CTNNA2: variants seen among roughly 807,000 people sequenced by gnomAD.
The protein encoded by CTNNA2 is catenin alpha 2.
In CTNNA2, 42 loss-of-function variants were observed where a neutral mutation model predicts 101.0. That is an observed-to-expected ratio of 0.42 (90% confidence interval 0.32 to 0.54). The LOEUF is 0.54. Ranked by LOEUF, CTNNA2 falls within the 20% of genes least tolerant of loss-of-function variation. The probability of loss-of-function intolerance (pLI) is 0.14; values close to 1 mark genes in which losing one functional copy is unlikely to be tolerated. For synonymous variants in CTNNA2, 450 were observed against 456.4 expected (o/e 0.99, Z 0.18); for missense variants, 871 against 1,223.1 (o/e 0.71, Z 4.29).
intron 12 of CTNNA2, among the ~76,000 whole-genome samples, chr2:80,558,645 T>C (rs572292148): frequency 6.6e-6 from 1 of 152,258 alleles, no homozygotes; most frequent in African/African-American, 2.4e-5. Context: ...TTAAACAATT[T>C]TAGAGCCATG....
At chr2:79,464,724 T>C (rs1392514853) in intron 4 of CTNNA2, among the ~76,000 whole-genome samples, 4 of 152,156 alleles carry the variant, frequency 2.6e-5, no homozygotes, top group African/African-American at 9.7e-5. Flanking sequence ...TTGCATTTCT[T>C]TGATGGCCAA....
intron 3 of CTNNA2, among the ~76,000 whole-genome samples, chr2:79,788,049 G>T (rs1674985902): frequency 6.6e-6 from 1 of 152,134 alleles, no homozygotes; most frequent in Non-Finnish European, 1.5e-5. Context: ...ACACTAGAGG[G>T]TATGTCCGAC....
chr2:80,338,302 C>CTTTTTT (rs551404160), intron 7 of CTNNA2, among the ~76,000 whole-genome samples: 4 of 134,218 alleles, frequency 3.0e-5, no homozygotes, highest in Non-Finnish European at 4.8e-5. Flanking sequence ...TTTTCTTTTT[C>CTTTTTT]TTTTTTTTTT....
At chr2:80,241,732 T>A (rs2149091975) in intron 7 of CTNNA2, among the ~76,000 whole-genome samples, 1 of 152,300 alleles carries the variant, frequency 6.6e-6, no homozygotes, top group East Asian at 1.9e-4. Context: ...TGAGATTATC[T>A]GATTATATGG....
At chr2:79,411,866 T>C (rs1231112924) in intron 4 of CTNNA2, among the ~76,000 whole-genome samples, 1 of 152,098 alleles carries the variant, frequency 6.6e-6, no homozygotes, top group Non-Finnish European at 1.5e-5. Context: ...GCTAACATCA[T>C]AATGACAGAA....
chr2:79,579,482 ACCCT>A (rs1676015536), intron 1 of CTNNA2, among the ~76,000 whole-genome samples: 1 of 151,552 alleles, frequency 6.6e-6, no homozygotes, highest in Non-Finnish European at 1.5e-5. Context: ...ATCTTTCCTC[ACCCT>A]CCCTTTGTCA....
rs1220016060 is a variant in CTNNA2 at position 79,727,564 on chromosome 2, TTTTTA to T, written c.103-16805_103-16801del. Among the ~76,000 whole-genome samples, 15 of 152,214 alleles carry T rather than the reference TTTTTA, an allele frequency of 9.9e-5. No homozygotes were observed. In the East Asian group the frequency reaches 1.5e-3, roughly 16 times the overall value. ...AGAGAACAGATTTCAGATATTTCTT[TTTTTA>T]TTTTATTTTATTTTATTATTATTAT... On this transcript the variant is annotated intron_variant, in intron 2 of 18. Coordinates refer to ENST00000402739, the MANE Select transcript of CTNNA2 (RefSeq NM_001282597.3).
chr2:80,550,389 C>A (rs1330413121), intron 11 of CTNNA2, among the ~76,000 whole-genome samples: 1 of 152,112 alleles, frequency 6.6e-6, no homozygotes. Flanking sequence ...GTGGCTGTGG[C>A]AATTTCTTGA....
intron 12 of CTNNA2, among the ~76,000 whole-genome samples, chr2:80,564,712 G>A (rs1693899882): frequency 6.6e-6 from 1 of 152,142 alleles, no homozygotes. Context: ...GATTGACTCG[G>A]ATGAAAGAAA....
At chr2:80,373,185 T>A (rs970727425) in intron 7 of CTNNA2, among the ~76,000 whole-genome samples, 1 of 151,952 alleles carries the variant, frequency 6.6e-6, no homozygotes, top group African/African-American at 2.4e-5. Flanking sequence ...AGTGAACAAA[T>A]CAGGACCTGA....
chr2:79,201,768 C>T (rs981873955), intron 2 of CTNNA2, among the ~76,000 whole-genome samples: 5 of 151,960 alleles, frequency 3.3e-5, no homozygotes, highest in Non-Finnish European at 7.4e-5. Context: ...AGAATCCCTT[C>T]GTGGTTAGCA....
intron 7 of CTNNA2, among the ~76,000 whole-genome samples, chr2:80,203,953 C>A (rs1281965039): frequency 1.3e-5 from 2 of 152,200 alleles, no homozygotes; most frequent in Non-Finnish European, 2.9e-5. Flanking sequence ...AGGCTCAACA[C>A]CATGTGGAAG....
rs1309244386 is a variant in CTNNA2 at position 79,694,712 on chromosome 2, G to T, written c.102+43054G>T. Among the ~76,000 whole-genome samples the T allele has an allele frequency of 2.0e-5, 3 of 151,824 alleles. No homozygotes were observed. The South Asian group carries it at 6.2e-4, about 31-fold the overall frequency. On this transcript the variant is annotated intron_variant, in intron 2 of 18. Transcript: ENST00000402739. ...TGGAAAGACTCTCTGTTTTTCTGCTGTGTCAGTTAGTTACTGTTCTAAATT... is the reference window on the plus strand; with the variant it reads ...TGGAAAGACTCTCTGTTTTTCTGCTTTGTCAGTTAGTTACTGTTCTAAATT...
chr2:80,596,897 T>G (rs1697034420), intron 15 of CTNNA2, among the ~76,000 whole-genome samples: 1 of 152,174 alleles, frequency 6.6e-6, no homozygotes, highest in Admixed American at 6.5e-5. Flanking sequence ...ATGCCTAGTT[T>G]GTTAAGAGTT....
intron 6 of CTNNA2, among the ~76,000 whole-genome samples, chr2:79,885,830 C>T (rs921339865): frequency 2.0e-5 from 3 of 152,194 alleles, no homozygotes; most frequent in Admixed American, 1.3e-4. Flanking sequence ...ACCAAGAACA[C>T]TGGAAAGAGT....
chr2:80,188,418 G>A (rs1457457362), intron 7 of CTNNA2, among the ~76,000 whole-genome samples: 1 of 152,142 alleles, frequency 6.6e-6, no homozygotes, highest in Non-Finnish European at 1.5e-5. Flanking sequence ...CACTGTATGA[G>A]TTTTCTATTG....
At chr2:80,200,244 A>G (rs76487209) in intron 7 of CTNNA2, among the ~76,000 whole-genome samples, 3,650 of 152,320 alleles carry the variant, frequency 0.024, 156 homozygotes, top group African/African-American at 0.082. Context: ...TTCCACAGGC[A>G]GACTCTGTTA....
intron 5 of CTNNA2, among the ~76,000 whole-genome samples, chr2:79,507,498 C>A (rs1321697814): frequency 6.6e-6 from 1 of 152,100 alleles, no homozygotes; most frequent in Non-Finnish European, 1.5e-5. Context: ...TAAGATAATG[C>A]AGCAAGAACG....
chr2:79,391,960 G>T lies in CTNNA2; in HGVS notation c.-135+17947G>T, dbSNP rs193084550. Among the ~76,000 whole-genome samples the T allele has an allele frequency of 2.6e-5, 4 of 152,200 alleles. No homozygotes were observed. In the East Asian group the frequency reaches 7.7e-4, roughly 29 times the overall value. Reference sequence around the variant, plus strand: ...CTCACACATAATCATTCCTCTGTGCGCTCACTTCCCTGGTGTCTCTGTGTG... The same window carrying T: ...CTCACACATAATCATTCCTCTGTGCTCTCACTTCCCTGGTGTCTCTGTGTG... On this transcript the variant is annotated intron_variant, in intron 4 of 21. Coordinates refer to the CTNNA2 transcript ENST00000466387.
Sources: gnomAD v4.1 joint callset for allele counts (sites outside exome capture counted in the v4.1 genomes callset) on GRCh38, gnomAD v4.1.1 for gene constraint, MANE v1.5 for transcripts, NCBI Gene and HGNC (gene_info 2026-07-23, HGNC 2026-07-21) for gene names.